Variants in CAST observed in about 807,000 individuals in gnomAD.
CAST encodes the protein MIR583 host.
CAST carries 76 observed loss-of-function variants against 119.6 expected under a neutral mutation model. That is an observed-to-expected ratio of 0.64 (90% CI 0.53 to 0.77). The LOEUF is 0.77. Among genes scored for constraint, CAST ranks in the 30% least tolerant of loss-of-function variants. The pLI, the probability that CAST is intolerant of heterozygous loss-of-function variation, is 0.00. For synonymous variants in CAST, 319 were observed against 331.6 expected, an observed-to-expected ratio of 0.96 and a Z score of 0.41; for missense variants, 953 against 946.5, an observed-to-expected ratio of 1.01 and a Z score of -0.09.
intron 1 of CAST, among the ~76,000 whole-genome samples, chr5:96,620,865 AT>A (rs1194132513): frequency 1.3e-5 from 2 of 152,198 alleles, no homozygotes; most frequent in African/African-American, 4.8e-5. Flanking sequence ...TATAAAGCAC[AT>A]TGCCATTTAG....
the CAST span, among the ~76,000 whole-genome samples, chr5:96,371,083 A>G: frequency 6.6e-6 from 1 of 152,316 alleles, no homozygotes; most frequent in Admixed American, 6.5e-5. Context: ...CCCCAGTTAC[A>G]AAGGAAACAG....
chr5:96,028,590 A>G, the CAST span, among the ~76,000 whole-genome samples: 2 of 152,154 alleles, frequency 1.3e-5, no homozygotes, highest in African/African-American at 4.8e-5. Context: ...ATTCTCTAGT[A>G]TGGTGCATTC....
At chr5:96,307,411 C>T in the CAST span, among the ~76,000 whole-genome samples, 1 of 152,176 alleles carries the variant, frequency 6.6e-6, no homozygotes. Flanking sequence ...AACAAGTTTG[C>T]TCATCTGTGT....
chr5:96,732,110 G>T (rs1387719472), intron 9 of CAST, among the ~76,000 whole-genome samples: 4 of 136,346 alleles, frequency 2.9e-5, no homozygotes, highest in Non-Finnish European at 6.2e-5. Flanking sequence ...CTAGTTTACA[G>T]TCCCACCAAC....
At chr5:96,357,079 A>T in the CAST span, among the ~76,000 whole-genome samples, 1 of 152,072 alleles carries the variant, frequency 6.6e-6, no homozygotes, top group South Asian at 2.1e-4. Flanking sequence ...TAGGTATTTT[A>T]TTCTCTTTGA....
At chr5:96,565,739 C>T (rs1746454039) in intron 1 of CAST, among the ~76,000 whole-genome samples, 1 of 152,090 alleles carries the variant, frequency 6.6e-6, no homozygotes, top group African/African-American at 2.4e-5. Context: ...TAGGAGAAGA[C>T]CGTGAGGGGA....
chr5:96,248,666 T>G, the CAST span, among the ~76,000 whole-genome samples: 2 of 152,236 alleles, frequency 1.3e-5, no homozygotes, highest in Non-Finnish European at 2.9e-5. Context: ...TCATTTCAGC[T>G]TTTAAAGGAC....
chr5:96,387,837 C>A, the CAST span, among the ~76,000 whole-genome samples: 1 of 152,156 alleles, frequency 6.6e-6, no homozygotes, highest in African/African-American at 2.4e-5. Flanking sequence ...CTCACTGAGA[C>A]ATCATCGAGG....
At chr5:95,966,207 T>A in the CAST span, among the ~76,000 whole-genome samples, 1 of 152,106 alleles carries the variant, frequency 6.6e-6, no homozygotes, top group East Asian at 1.9e-4. Context: ...ATGTTGTGTA[T>A]TTTTATGGGG....
the CAST span, among the ~76,000 whole-genome samples, chr5:96,424,832 G>A: frequency 3.0e-4 from 46 of 151,816 alleles, no homozygotes; most frequent in East Asian, 7.8e-3. Flanking sequence ...GCATGGTGGC[G>A]GGCATCTGTA....
chr5:96,498,654 A>G, the CAST span, among the ~76,000 whole-genome samples: 1 of 152,242 alleles, frequency 6.6e-6, no homozygotes, highest in Non-Finnish European at 1.5e-5. Flanking sequence ...ATACAATTGT[A>G]CCATTTTATT....
intron 3 of CAST, among the ~76,000 whole-genome samples, chr5:96,711,996 A>T (rs544649802): frequency 6.6e-6 from 1 of 152,228 alleles, no homozygotes; most frequent in Non-Finnish European, 1.5e-5. Flanking sequence ...AATAGCACAT[A>T]ACTGAAAACA....
intron 3 of CAST, among the ~76,000 whole-genome samples, chr5:96,708,718 T>C (rs1755509579): frequency 6.6e-6 from 1 of 152,212 alleles, no homozygotes; most frequent in Non-Finnish European, 1.5e-5. Flanking sequence ...CTTGAATTCC[T>C]GGGCTCAACT....
At chr5:96,739,800 T>A (rs925023195) in intron 11 of CAST, among the ~76,000 whole-genome samples, 1 of 152,236 alleles carries the variant, frequency 6.6e-6, no homozygotes, top group African/African-American at 2.4e-5. Context: ...TATTTAGAAG[T>A]CAACTTTAGT....
chr5:96,531,830 C>T (rs995024794), intron 1 of CAST, among the ~76,000 whole-genome samples: 2 of 152,106 alleles, frequency 1.3e-5, no homozygotes, highest in African/African-American at 4.8e-5. Flanking sequence ...AAGGAACCCT[C>T]AAAGCCTAAG....
At chr5:96,613,226 A>G (rs999811192) in intron 1 of CAST, among the ~76,000 whole-genome samples, 1 of 152,222 alleles carries the variant, frequency 6.6e-6, no homozygotes, top group East Asian at 1.9e-4. Context: ...TTCAGCAATA[A>G]AAATCCAGTT....
chr5:96,252,370 T>C, the CAST span, among the ~76,000 whole-genome samples: 2 of 152,276 alleles, frequency 1.3e-5, no homozygotes, highest in South Asian at 4.1e-4. Flanking sequence ...GTACCTACTA[T>C]ATGCTTGGCA....
Position 96,590,366 on chromosome 5 carries a change from A to G in CAST, c.60+60486A>G, listed in dbSNP as rs117439719. Among the ~76,000 whole-genome samples the G allele has an allele frequency of 4.7e-4, 71 of 152,336 alleles. 1 individual carries two copies. The East Asian group carries it at 0.013, about 27-fold the overall frequency. ...ATATTCTTTATTACAGAGTTTTCCA[A>G]TGTATGTGCTAGGAAAGGCTGTTGT... On this transcript the variant is annotated intron_variant, in intron 1 of 11. Coordinates refer to the CAST transcript ENST00000505143.
chr5:96,304,725 G>A, the CAST span, among the ~76,000 whole-genome samples: 2 of 152,160 alleles, frequency 1.3e-5, no homozygotes, highest in African/African-American at 2.4e-5. Context: ...CCCATAGCTC[G>A]TTTTTGTCAG....
Sources: allele counts gnomAD v4.1 joint callset (sites outside exome capture counted in the v4.1 genomes callset), GRCh38; gene constraint gnomAD v4.1.1; transcripts MANE v1.5; gene names NCBI Gene and HGNC (gene_info 2026-07-23, HGNC 2026-07-21).